RBM4: variants seen among roughly 807,000 people sequenced by gnomAD.
RBM4 encodes RNA-binding protein 4.
In RBM4, 7 loss-of-function variants were observed where a neutral mutation model predicts 29.5. That is an observed-to-expected ratio of 0.24 (90% CI 0.14 to 0.45). RBM4 has a LOEUF of 0.45. Among genes scored for constraint, RBM4 ranks in the 20% least tolerant of loss-of-function variants. The pLI, the probability that RBM4 is intolerant of heterozygous loss-of-function variation, is 1.00. For missense variants in RBM4, 387 were observed against 502.3 expected (o/e 0.77, Z 2.19); for synonymous variants, 220 against 205.4 (o/e 1.07, Z -0.61).
intron 2 of RBM4, among the ~76,000 whole-genome samples, chr11:66,657,744 C>A (rs1357720403): frequency 6.6e-6 from 1 of 151,278 alleles, no homozygotes; most frequent in Non-Finnish European, 1.5e-5. Context: ...CCCCCTCCCC[C>A]ACCTTTTTTT....
intron 2 of RBM4, among the ~76,000 whole-genome samples, chr11:66,653,027 C>G (rs1254352224): frequency 6.6e-6 from 1 of 152,152 alleles, no homozygotes; most frequent in Non-Finnish European, 1.5e-5. Flanking sequence ...CCACTGGGAG[C>G]TGGTGGTTCC....
At chr11:66,645,849 A>ACTCT (rs1232187792) in intron 3 of RBM4, among the ~76,000 whole-genome samples, 178 bp from the exon 4 acceptor site, 1 of 151,922 alleles carries the variant, frequency 6.6e-6, no homozygotes. Flanking sequence ...CTCCCCAGTT[A>ACTCT]CTCTCTGGCC....
At chr11:66,657,555 C>T (rs2135086642) in intron 2 of RBM4, among the ~76,000 whole-genome samples, 1 of 151,826 alleles carries the variant, frequency 6.6e-6, no homozygotes, top group East Asian at 2.0e-4. Context: ...TCGTGGTGCG[C>T]ACCTGTAGTC....
chr11:66,641,815 C>CT (rs1938476751), intron 2 of RBM4, among the ~76,000 whole-genome samples: 1 of 151,870 alleles, frequency 6.6e-6, no homozygotes, highest in Non-Finnish European at 1.5e-5. Context: ...GTCTTTTTTC[C>CT]TTTCCGTTTC....
chr11:66,664,815 T>G (rs1939166889), intron 2 of RBM4, among the ~76,000 whole-genome samples: 1 of 152,162 alleles, frequency 6.6e-6, no homozygotes, highest in Admixed American at 6.5e-5. Flanking sequence ...CAGGCTGGTC[T>G]TGAACTTCAG....
At chr11:66,644,438 A>G (rs370240317) in intron 3 of RBM4, 3 of 292,818 alleles carry the variant, frequency 1.0e-5, no homozygotes, top group East Asian at 1.5e-4. Context: ...GTACTATACT[A>G]TAATTGAACC....
At chr11:66,642,515 A>G (rs549499002) in intron 2 of RBM4, among the ~76,000 whole-genome samples, 5 of 152,286 alleles carry the variant, frequency 3.3e-5, no homozygotes, top group Admixed American at 3.3e-4. Flanking sequence ...CCAGAATGCA[A>G]ATTTTAATTT....
chr11:66,654,445 G>A (rs1351744561), intron 2 of RBM4, among the ~76,000 whole-genome samples: 7 of 151,974 alleles, frequency 4.6e-5, no homozygotes, highest in South Asian at 2.1e-4. Flanking sequence ...GCAGCGAGTC[G>A]AGATAGTGCC....
At chr11:66,644,735 TATTTG>T in intron 3 of RBM4, 1 of 947,500 alleles carries the variant, frequency 1.1e-6, no homozygotes, top group South Asian at 4.9e-5. Flanking sequence ...TTATAGAACT[TATTTG>T]ATGGTAAGTT....
chr11:66,640,790 C>T (rs1222317849), intron 2 of RBM4: 1 of 152,284 alleles, frequency 6.6e-6, no homozygotes, highest in African/African-American at 2.4e-5. Context: ...GTGAATAGAG[C>T]ACTTAGATTT....
At position 66,645,477 on chromosome 11, in the gene RBM4, TA is replaced by T. The variant is rs1253249846; in HGVS notation, c.*9-549del. On this transcript the variant is annotated intron_variant, in intron 3 of 3. Coordinates refer to ENST00000310092, the MANE Select transcript of RBM4 (RefSeq NM_002896.4). Reference sequence around the variant, plus strand: ...GAAAAGAGACTTGATGTGTAGCTTATACATGCCCTTCTGCACCTTCTTTCCA... The same window carrying T: ...GAAAAGAGACTTGATGTGTAGCTTATCATGCCCTTCTGCACCTTCTTTCCA... Among the ~76,000 whole-genome samples the T allele has an allele frequency of 4.6e-5, 7 of 152,328 alleles. No homozygotes were observed. The East Asian group carries it at 1.3e-3, about 29-fold the overall frequency.
At chr11:66,661,052 G>T (rs993404229) in intron 2 of RBM4, among the ~76,000 whole-genome samples, 2 of 152,198 alleles carry the variant, frequency 1.3e-5, no homozygotes, top group African/African-American at 4.8e-5. Context: ...AGGGGTGACA[G>T]ATACACGGTT....
chr11:66,665,812 A>C (rs1939209800), intron 2 of RBM4: 1 of 1,473,736 alleles, frequency 6.8e-7, no homozygotes, highest in African/African-American at 1.4e-5. Flanking sequence ...ATCTAGCTGA[A>C]GAATGTGTTG....
rs762225011 is a variant in RBM4 at position 66,644,049 on chromosome 11, G to A, written c.1012G>A (p.Ala338Thr). Residue 338 changes from alanine to threonine, a missense_variant, in exon 3 of 4, where the codon GCA becomes ACA. Coordinates refer to ENST00000310092, the MANE Select transcript of RBM4 (RefSeq NM_002896.4). Reference sequence around the variant, plus strand: ...TGAGAGTGAGTTGTCCCAAGCTTCAGCAGCCGCGCGGAATTCTCTGTACGA... The same window carrying A: ...TGAGAGTGAGTTGTCCCAAGCTTCAACAGCCGCGCGGAATTCTCTGTACGA... Reference protein sequence around the residue: ...GHESELSQASAAARNSLYDMA... With the variant: ...GHESELSQASTAARNSLYDMA... The A allele has an allele frequency of 2.9e-5, 47 of 1,613,880 alleles. No individual in the cohort carries two copies. In the Middle Eastern group the frequency reaches 6.6e-4, roughly 23 times the overall value.
chr11:66,658,336 CCTTTT>C, intron 2 of RBM4, among the ~76,000 whole-genome samples: 1 of 41,864 alleles, frequency 2.4e-5, no homozygotes, highest in South Asian at 1.5e-3. Context: ...CCTAGTCTGA[CCTTTT>C]TTTTTTTTTT....
chr11:66,659,641 T>C (rs1939036320), intron 2 of RBM4, among the ~76,000 whole-genome samples: 1 of 152,136 alleles, frequency 6.6e-6, no homozygotes, highest in Admixed American at 6.6e-5. Context: ...CTCCCCACTC[T>C]AAAATCATTT....
chr11:66,648,954 A>G (rs1393368590), downstream of RBM4, among the ~76,000 whole-genome samples: 3 of 150,300 alleles, frequency 2.0e-5, no homozygotes, highest in Non-Finnish European at 4.4e-5. Context: ...GTTTAATGCT[A>G]TATTCATACT....
chr11:66,667,250 C>T (rs755780040), exon 3 of RBM4: 5 of 152,160 alleles, frequency 3.3e-5, no homozygotes, highest in Non-Finnish European at 5.9e-5. Flanking sequence ...ATTTATCTAT[C>T]TTTAGATACT....
downstream of RBM4, among the ~76,000 whole-genome samples, chr11:66,648,765 A>G (rs945126168): frequency 5.9e-5 from 9 of 151,838 alleles, no homozygotes; most frequent in African/African-American, 2.2e-4. Context: ...GTAAGCTGAG[A>G]TGGAGCCATT....
Sources: gnomAD v4.1 joint callset for allele counts (sites outside exome capture counted in the v4.1 genomes callset) on GRCh38, gnomAD v4.1.1 for gene constraint, MANE v1.5 for transcripts, NCBI Gene and HGNC (gene_info 2026-07-23, HGNC 2026-07-21) for gene names.